The following SLC1A7 variants were observed in gnomAD, a reference collection of about 807,000 sequenced individuals.
SLC1A7 encodes the protein solute carrier family 1 member 7.
In SLC1A7, 40 loss-of-function variants were observed where a neutral mutation model predicts 47.7. The ratio of observed to expected loss-of-function variants is 0.84; its 90% CI spans 0.65 to 1.09. SLC1A7 has a LOEUF of 1.09. Among genes scored for constraint, SLC1A7 ranks in the 50% least tolerant of loss-of-function variants. The pLI is 0.00. For missense variants in SLC1A7, 746 were observed against 769.5 expected (o/e 0.97, Z 0.36); for synonymous variants, 323 against 325.6 (o/e 0.99, Z 0.09).
At chr1:53,090,480 C>A in intron 8 of SLC1A7, 132 bp downstream of exon 8, 5 of 1,366,672 alleles carry the variant, frequency 3.7e-6, no homozygotes, top group Non-Finnish European at 4.8e-6. Context: ...GAGCTCCCAG[C>A]CCTGGCCCTC....
intron 3 of SLC1A7, among the ~76,000 whole-genome samples, chr1:53,112,341 A>G (rs1644708927): frequency 6.6e-6 from 1 of 152,216 alleles, no homozygotes; most frequent in Non-Finnish European, 1.5e-5. Context: ...CCCTAGACCA[A>G]CTGTTCCCCA....
chr1:53,102,619 A>G (rs1644596446), intron 5 of SLC1A7: 1 of 152,374 alleles, frequency 6.6e-6, no homozygotes, highest in Admixed American at 6.5e-5. Context: ...TTCCAGGGGC[A>G]ATGGGCAGAG....
chr1:53,104,390 GAT>G, intron 4 of SLC1A7, among the ~76,000 whole-genome samples: 1 of 152,208 alleles, frequency 6.6e-6, no homozygotes, highest in South Asian at 2.1e-4. Flanking sequence ...GGTTGCTGGA[GAT>G]ACACAAATGA....
At position 53,088,969 on chromosome 1, in the gene SLC1A7, G is replaced by T; in HGVS notation, c.1372C>A (p.Arg458Ser). The stretch of plus-strand genomic sequence containing the variant: ...TCACCCAGCACGTTAATCATGGTGC[G>T]GAAACGGTCCCTGGTGAGCCAAGGT... ...IAVDWALDRF[R>S]TMINVLGDAL... The change falls in exon 10 of 11, where the codon CGC becomes AGC. Residue 458 changes from arginine to serine, a missense_variant. Coordinates refer to ENST00000371494, the MANE Select transcript of SLC1A7 (RefSeq NM_006671.6). 1 of 1,613,924 alleles carries T rather than the reference G, an allele frequency of 6.2e-7. No homozygotes were observed.
chr1:53,088,738 G>A (rs1280127069), intron 10 of SLC1A7, 139 bp downstream of exon 10: 3 of 674,604 alleles, frequency 4.4e-6, no homozygotes, highest in Non-Finnish European at 8.0e-6. Flanking sequence ...ATTCTGTAAC[G>A]GATGAGGAGA....
Position 53,142,413 on chromosome 1 carries a change from C to T in SLC1A7, c.37G>A (p.Val13Met), listed in dbSNP as rs757953562. Reference protein sequence around the residue: ...PHAILARGRDVCRRNGLLILS... With the variant: ...PHAILARGRDMCRRNGLLILS... Reference sequence around the variant, plus strand: ...ATGAGGAGTCCATTCCGCCTGCACACGTCCCTCCCCCGTGCCAAGATGGCA... The same window carrying T: ...ATGAGGAGTCCATTCCGCCTGCACATGTCCCTCCCCCGTGCCAAGATGGCA... Residue 13 changes from valine to methionine, a missense_variant, in exon 1 of 11, where the codon GTG (valine) becomes ATG (methionine). By Grantham distance (21) the Val-to-Met change is conservative. Coordinates refer to ENST00000371494, the MANE Select transcript of SLC1A7 (RefSeq NM_006671.6). The T allele has an allele frequency of 6.2e-5, 100 of 1,611,934 alleles. No homozygotes were observed. The South Asian group carries it at 8.4e-4, about 14-fold the overall frequency.
rs970661580 is a variant in SLC1A7, at chr1:53,098,384, A to G, written c.698-4824T>C. 5.5e-5 allele frequency among the ~76,000 whole-genome samples: 8 copies of G among 144,862 alleles called. No individual in the cohort carries two copies. The South Asian group carries it at 1.6e-3, about 28-fold the overall frequency. On this transcript the variant is annotated intron_variant, in intron 5 of 10. Coordinates refer to ENST00000371494, the MANE Select transcript of SLC1A7 (RefSeq NM_006671.6). ...CTTGGTACACACATACGGTCACACC[A>G]CCTTGGTACACTCACACACTCCACC...
At chr1:53,119,181 G>A (rs888823321) in intron 2 of SLC1A7, among the ~76,000 whole-genome samples, 10 of 152,096 alleles carry the variant, frequency 6.6e-5, no homozygotes, top group African/African-American at 2.2e-4. Flanking sequence ...CAGGGAGATG[G>A]AGGCAACTGG....
chr1:53,130,145 A>T (rs1459928390), intron 2 of SLC1A7, among the ~76,000 whole-genome samples: 4 of 152,224 alleles, frequency 2.6e-5, no homozygotes, highest in African/African-American at 9.7e-5. Flanking sequence ...TCAGCATTGG[A>T]GACAGATCAT....
intron 8 of SLC1A7, chr1:53,090,350 C>T (rs1388058799): frequency 3.5e-6 from 2 of 572,480 alleles, no homozygotes; most frequent in Non-Finnish European, 6.0e-6. Context: ...CATCCCAGCA[C>T]CCCTTCGTTG....
At chr1:53,131,300 C>A (rs1040368682) in intron 2 of SLC1A7, among the ~76,000 whole-genome samples, 2 of 152,182 alleles carry the variant, frequency 1.3e-5, no homozygotes, top group Non-Finnish European at 2.9e-5. Context: ...GGTCGAGGAC[C>A]CTGGCCTCTG....
intron 2 of SLC1A7, among the ~76,000 whole-genome samples, chr1:53,132,743 G>GA (rs1331686254): frequency 1.3e-5 from 2 of 151,982 alleles, no homozygotes; most frequent in Non-Finnish European, 2.9e-5. Context: ...CTACTTGGGG[G>GA]GCTGAGGTAG....
intron 2 of SLC1A7, among the ~76,000 whole-genome samples, chr1:53,130,240 AAATTAAAAG>A (rs1434496907): frequency 6.6e-6 from 1 of 152,210 alleles, no homozygotes; most frequent in African/African-American, 2.4e-5. Flanking sequence ...GTGAGACTTT[AAATTAAAAG>A]AATTAAAAGA....
intron 3 of SLC1A7, among the ~76,000 whole-genome samples, chr1:53,109,888 A>C (rs1360899203): frequency 1.3e-5 from 2 of 152,218 alleles, no homozygotes; most frequent in African/African-American, 4.8e-5. Flanking sequence ...CACCCAGAGC[A>C]GCAGCTGAAT....
At chr1:53,123,836 T>C (rs998375376) in intron 2 of SLC1A7, among the ~76,000 whole-genome samples, 4 of 152,216 alleles carry the variant, frequency 2.6e-5, no homozygotes, top group African/African-American at 9.6e-5. Flanking sequence ...GCAAATCATC[T>C]GACTGGGCAG....
At chr1:53,100,950 A>G (rs1296773097) in intron 5 of SLC1A7, among the ~76,000 whole-genome samples, 2 of 150,618 alleles carry the variant, frequency 1.3e-5, no homozygotes, top group African/African-American at 2.5e-5. Flanking sequence ...GCACCGGTAC[A>G]CTCCCACACC....
At chr1:53,099,460 A>G (rs1296343357) in intron 5 of SLC1A7, among the ~76,000 whole-genome samples, 1 of 151,032 alleles carries the variant, frequency 6.6e-6, no homozygotes, top group African/African-American at 2.4e-5. Flanking sequence ...CTGCCTCGGT[A>G]CACTCACACA....
At chr1:53,131,945 T>C (rs1445258237) in intron 2 of SLC1A7, among the ~76,000 whole-genome samples, 1 of 151,710 alleles carries the variant, frequency 6.6e-6, no homozygotes, top group Non-Finnish European at 1.5e-5. Context: ...CCTAAGAAGA[T>C]GATGTGCAAG....
At chr1:53,099,641 AC>A (rs1181018027) in intron 5 of SLC1A7, among the ~76,000 whole-genome samples, 2 of 143,784 alleles carry the variant, frequency 1.4e-5, no homozygotes, top group Non-Finnish European at 3.0e-5. Context: ...ACACTCACAC[AC>A]CCCGTCTGAG....
Sources: gnomAD v4.1 joint callset for allele counts (sites outside exome capture counted in the v4.1 genomes callset) on GRCh38, gnomAD v4.1.1 for gene constraint, MANE v1.5 for transcripts, NCBI Gene and HGNC (gene_info 2026-07-23, HGNC 2026-07-21) for gene names.